LRRC28: variants seen among roughly 807,000 people sequenced by gnomAD.
LRRC28 encodes leucine-rich repeat-containing protein 28.
Under a neutral mutation model 45.7 loss-of-function variants are expected in LRRC28, and 39 were observed. The observed-to-expected ratio is 0.85, with a 90% CI of 0.66 to 1.12. The LOEUF is 1.12. LRRC28 is among the 50% of genes most tolerant of loss of function. The pLI is 0.00. For missense variants in LRRC28, 435 were observed against 438.5 expected (o/e 0.99, Z 0.07); for synonymous variants, 206 against 178.8 (o/e 1.15, Z -1.22).
intron 9 of LRRC28, among the ~76,000 whole-genome samples, chr15:99,378,650 C>T (rs1957719183): frequency 1.3e-5 from 2 of 152,226 alleles, no homozygotes; most frequent in African/African-American, 2.4e-5. Context: ...AGTTTTTGCC[C>T]ATTCAGTATG....
intron 5 of LRRC28, among the ~76,000 whole-genome samples, chr15:99,294,864 C>CAA (rs1327943647): frequency 6.6e-6 from 1 of 152,198 alleles, no homozygotes; most frequent in Admixed American, 6.5e-5. Flanking sequence ...CTGCATCTTT[C>CAA]AGGTGCTTCA....
chr15:99,257,990 A>G, intron 2 of LRRC28: 1 of 887,024 alleles, frequency 1.1e-6, no homozygotes, highest in Non-Finnish European at 1.9e-6. Context: ...GACTAATGAA[A>G]ATGCTCTTTC....
At chr15:99,255,700 G>A (rs1337449831) in intron 1 of LRRC28, among the ~76,000 whole-genome samples, 198 bp from the exon 2 acceptor site, 1 of 152,028 alleles carries the variant, frequency 6.6e-6, no homozygotes. Flanking sequence ...CTTAATCAGA[G>A]TATTTTTATT....
At chr15:99,384,369 C>G (rs541840531) in intron 9 of LRRC28, 7 of 152,334 alleles carry the variant, frequency 4.6e-5, no homozygotes, top group African/African-American at 1.7e-4. Flanking sequence ...CAAGTTCCCA[C>G]TCTTTCTCAA....
chr15:99,327,455 T>C (rs977229342), intron 5 of LRRC28, among the ~76,000 whole-genome samples: 11 of 152,230 alleles, frequency 7.2e-5, no homozygotes, highest in African/African-American at 2.7e-4. Context: ...TTTAGAAATA[T>C]GTTTATTTAA....
At chr15:99,385,746 G>GT (rs796070388) in intron 9 of LRRC28, among the ~76,000 whole-genome samples, 6,315 of 127,072 alleles carry the variant, frequency 0.05, 175 homozygotes, top group African/African-American at 0.11. Context: ...AAAGGCATTT[G>GT]TTTTTTTTTT....
At chr15:99,296,548 G>T (rs1424182923) in intron 5 of LRRC28, among the ~76,000 whole-genome samples, 2 of 152,138 alleles carry the variant, frequency 1.3e-5, no homozygotes, top group African/African-American at 4.8e-5. Context: ...CACTAAAAAA[G>T]AATCTAAAAA....
intron 5 of LRRC28, among the ~76,000 whole-genome samples, chr15:99,322,713 A>C (rs933089811): frequency 1.3e-5 from 2 of 152,360 alleles, no homozygotes; most frequent in African/African-American, 4.8e-5. Context: ...CATATTAATC[A>C]CATTCTAGTT....
intron 9 of LRRC28, among the ~76,000 whole-genome samples, chr15:99,369,790 A>T (rs1957432581): frequency 6.6e-6 from 1 of 152,194 alleles, no homozygotes; most frequent in South Asian, 2.1e-4. Context: ...TACTTTAATC[A>T]CCAGGGTATT....
At chr15:99,304,289 C>T (rs916678463) in intron 5 of LRRC28, among the ~76,000 whole-genome samples, 15 of 152,266 alleles carry the variant, frequency 9.9e-5, no homozygotes, top group Admixed American at 9.8e-4. Flanking sequence ...TATCTGGATA[C>T]AAGTCATTTA....
chr15:99,293,630 A>AAAAAAAAAC (rs2082190936), intron 5 of LRRC28, among the ~76,000 whole-genome samples: 1 of 142,360 alleles, frequency 7.0e-6, no homozygotes, highest in African/African-American at 2.7e-5. Flanking sequence ...AAAAAAAAAA[A>AAAAAAAAAC]AAACCTAAAC....
chr15:99,375,778 A>G (rs1383135562), intron 9 of LRRC28, among the ~76,000 whole-genome samples: 1 of 152,150 alleles, frequency 6.6e-6, no homozygotes, highest in East Asian at 1.9e-4. Context: ...ATTCCTATAC[A>G]TCTTTTTAAT....
At chr15:99,328,267 C>T (rs866780826) in intron 5 of LRRC28, among the ~76,000 whole-genome samples, 1 of 152,148 alleles carries the variant, frequency 6.6e-6, no homozygotes, top group Non-Finnish European at 1.5e-5. Context: ...AATGTGAGAA[C>T]CCCAAATGTT....
chr15:99,267,877 A>G (rs1419078095), intron 2 of LRRC28, among the ~76,000 whole-genome samples: 1 of 152,206 alleles, frequency 6.6e-6, no homozygotes, highest in Non-Finnish European at 1.5e-5. Context: ...CTCACATGTC[A>G]TAATGACTTT....
chr15:99,346,713 T>G (rs1274618235), intron 6 of LRRC28, among the ~76,000 whole-genome samples: 2 of 152,158 alleles, frequency 1.3e-5, no homozygotes, highest in Admixed American at 1.3e-4. Flanking sequence ...AAGCCAGAAT[T>G]CATTGTAAAT....
chr15:99,284,242 T>C (rs2081894012), intron 3 of LRRC28, among the ~76,000 whole-genome samples: 1 of 152,192 alleles, frequency 6.6e-6, no homozygotes, highest in African/African-American at 2.4e-5. Context: ...AGACCCCTGG[T>C]GATTCTAATG....
At chr15:99,276,666 A>G in intron 3 of LRRC28, 50 bp downstream of exon 3, 1 of 1,384,740 alleles carries the variant, frequency 7.2e-7, no homozygotes. Flanking sequence ...AAATAATTCT[A>G]AGTTGTTTGA....
At chr15:99,292,230 A>C (rs1280649420) in intron 5 of LRRC28, among the ~76,000 whole-genome samples, 3 of 152,174 alleles carry the variant, frequency 2.0e-5, no homozygotes, top group Non-Finnish European at 4.4e-5. Context: ...CCTTGCTGGA[A>C]GCCTAGTGTA....
At chr15:99,361,544 C>A in intron 8 of LRRC28, 33 bp downstream of exon 8, 1 of 1,543,908 alleles carries the variant, frequency 6.5e-7, no homozygotes, top group Non-Finnish European at 8.7e-7. Flanking sequence ...TTATTTTTCT[C>A]TCTCATTTAG....
Sources: gnomAD v4.1 joint callset for allele counts (sites outside exome capture counted in the v4.1 genomes callset) on GRCh38, gnomAD v4.1.1 for gene constraint, MANE v1.5 for transcripts, NCBI Gene and HGNC (gene_info 2026-07-23, HGNC 2026-07-21) for gene names.